EXD1: variants seen among roughly 807,000 people sequenced by gnomAD.
EXD1 encodes the protein exonuclease 3'-5' domain containing 1.
EXD1 carries 63 observed loss-of-function variants against 49.1 expected under a neutral mutation model. The observed-to-expected ratio is 1.28, with a 90% CI of 1.05 to 1.58. EXD1 has a LOEUF of 1.58. Ranked by LOEUF, EXD1 falls within the 40% of genes most tolerant of loss-of-function variation. The pLI, the probability that EXD1 is intolerant of heterozygous loss-of-function variation, is 0.00. For synonymous variants in EXD1, 234 were observed against 239.2 expected, an observed-to-expected ratio of 0.98 and a Z score of 0.20; for missense variants, 748 against 666.0, an observed-to-expected ratio of 1.12 and a Z score of -1.36.
At chr15:41,226,761 A>G in intron 1 of EXD1, 133 bp from the exon 2 acceptor site, 1 of 744,862 alleles carries the variant, frequency 1.3e-6, no homozygotes, top group Non-Finnish European at 2.0e-6. Flanking sequence ...TTTTGGAATG[A>G]TGAGAAAAGG....
intron 7 of EXD1, among the ~76,000 whole-genome samples, chr15:41,203,916 CAAAAAAA>C (rs1187093511): frequency 4.3e-5 from 1 of 23,244 alleles, no homozygotes; most frequent in African/African-American, 2.7e-4. Context: ...GACTTCTCCT[CAAAAAAA>C]AAAAAAAAAA....
intron 2 of EXD1, among the ~76,000 whole-genome samples, chr15:41,223,812 C>G (rs1204333824): frequency 1.3e-5 from 2 of 151,256 alleles, no homozygotes; most frequent in African/African-American, 4.9e-5. Context: ...TTCCAGTGAG[C>G]CAAGATTGCA....
chr15:41,220,010 ACTCC>A, intron 2 of EXD1, 112 bp from the exon 3 acceptor site: 44 of 750,976 alleles, frequency 5.9e-5, no homozygotes, highest in Non-Finnish European at 8.4e-5. Context: ...AAAAAAAAAA[ACTCC>A]AAAAAAATAT....
intron 2 of EXD1, among the ~76,000 whole-genome samples, chr15:41,225,083 A>G (rs1026199356): frequency 1.3e-5 from 2 of 152,228 alleles, no homozygotes; most frequent in East Asian, 3.8e-4. Flanking sequence ...GACCATGAGG[A>G]TAACAGATGA....
chr15:41,203,827 G>C (rs1291479094), intron 7 of EXD1, among the ~76,000 whole-genome samples: 1 of 134,268 alleles, frequency 7.4e-6, no homozygotes, highest in Admixed American at 8.7e-5. Context: ...TGAGACAGGA[G>C]AATCGCTTGA....
Position 41,195,771 on chromosome 15 carries a change from G to A in EXD1, c.720+4C>T. 1 of 1,610,540 alleles carries A rather than the reference G, an allele frequency of 6.2e-7. No individual in the cohort carries two copies. The highest frequency in any genetic ancestry group is 8.5e-7 in the Non-Finnish European group (1 of 1,178,666). On this transcript the variant is annotated splice_donor_region_variant and intron_variant, in intron 9 of 11. Transcript: ENST00000458580. ...GTTTGAATCCAGTGCTTCCCTTCAT[G>A]TACCTGTGTGTCAAAGACATTATTC...
At chr15:41,225,009 G>T (rs888753149) in intron 2 of EXD1, among the ~76,000 whole-genome samples, 2 of 152,020 alleles carry the variant, frequency 1.3e-5, no homozygotes, top group African/African-American at 4.8e-5. Flanking sequence ...GCATTTGCCT[G>T]TTCTTGAGCT....
chr15:41,215,064 T>C (rs2046980052), intron 6 of EXD1, among the ~76,000 whole-genome samples: 1 of 152,146 alleles, frequency 6.6e-6, no homozygotes, highest in African/African-American at 2.4e-5. Context: ...TCCACTTTGA[T>C]ATCTACATGG....
intron 7 of EXD1, among the ~76,000 whole-genome samples, chr15:41,206,474 GAAAAAA>G (rs34195951): frequency 1.1e-5 from 1 of 87,172 alleles, no homozygotes; most frequent in Non-Finnish European, 2.6e-5. Context: ...ACCCTGTCTC[GAAAAAA>G]AAAAAAAAAA....
At position 41,184,691 on chromosome 15, in the gene EXD1, G is replaced by A. The variant is rs183883605; in HGVS notation, c.1057-98C>T. ...TTTTTTTGAGATGGAGTCTCGCTCT[G>A]TCGCCCAGGCTGAAGTGCAGTGGCA... On this transcript the variant is annotated intron_variant, in intron 11 of 11. Coordinates refer to ENST00000458580, the MANE Select transcript of EXD1 (RefSeq NM_001286441.2). 3,528 of 1,254,990 alleles carry A rather than the reference G, an allele frequency of 2.8e-3. 7 individuals are homozygous for A. The highest frequency in any genetic ancestry group is 6.8e-3 in the Middle Eastern group (25 of 3,670). 77.7% of individuals were successfully genotyped at this position (1,254,990 alleles called of 1,614,324 possible).
At chr15:41,186,469 T>TGAAAAAAAAAAA (rs1337231793) in intron 11 of EXD1, among the ~76,000 whole-genome samples, 1 of 21,292 alleles carries the variant, frequency 4.7e-5, no homozygotes, top group Non-Finnish European at 1.2e-4. Flanking sequence ...AGACTCTGTC[T>TGAAAAAAAAAAA]CAAAAAAAAA....
chr15:41,184,177 G>T lies in EXD1; in HGVS notation c.1473C>A (p.Pro491=), dbSNP rs1227644374. The change falls in exon 12 of 12, where the codon CCC becomes CCA. Residue 491 remains proline, a synonymous_variant. Transcript: ENST00000458580. ...ATAAACTTGCCTGAAACTCATGTTT[G>T]GGTGTCATAAAGTGTTCTTTCTGAG... ...RITQKEHFMT[P]KHEFQASLSL... is the part of the protein sequence containing the mutation. 6.2e-6 allele frequency: 10 copies of T among 1,614,156 alleles called. No homozygotes were observed. Among genetic ancestry groups the T allele is most frequent in the African/African-American group, 1.3e-5 (1 of 75,050 alleles).
chr15:41,197,377 G>A (rs1275999683), intron 7 of EXD1, among the ~76,000 whole-genome samples: 1 of 151,632 alleles, frequency 6.6e-6, no homozygotes, highest in Non-Finnish European at 1.5e-5. Context: ...AAAGGCACCT[G>A]CCACCATGCC....
rs778839057 is a variant in EXD1, at chr15:41,216,773, T to C, written c.283A>G (p.Met95Val). 1 of 1,613,788 alleles carries C rather than the reference T, an allele frequency of 6.2e-7. No individual in the cohort carries two copies. The highest frequency in any genetic ancestry group is 8.5e-7 in the Non-Finnish European group (1 of 1,180,024). The change falls in exon 5 of 12, where the codon ATG becomes GTG. Residue 95 changes from methionine (M) to valine (V), a missense_variant. Transcript: ENST00000458580. ...SVSLHAERTW[M>V]EKMKVEDLNV... ...AGGTCTTCAACTTTCATTTTCTCCA[T>C]CCAGGTTCTTTCTGCATGTAGACTA...
At chr15:41,197,228 T>C (rs964590125) in intron 7 of EXD1, among the ~76,000 whole-genome samples, 3 of 150,734 alleles carry the variant, frequency 2.0e-5, no homozygotes, top group African/African-American at 4.9e-5. Flanking sequence ...TTTTCTTTTT[T>C]CTTTTTTTTT....
chr15:41,200,877 C>G (rs1208940597), intron 7 of EXD1, among the ~76,000 whole-genome samples: 1 of 146,166 alleles, frequency 6.8e-6, no homozygotes, highest in Non-Finnish European at 1.5e-5. Context: ...ACAGAATGTT[C>G]TATTTTTTTT....
intron 2 of EXD1, among the ~76,000 whole-genome samples, chr15:41,220,356 C>T (rs1236574175): frequency 6.6e-6 from 1 of 151,932 alleles, no homozygotes; most frequent in Non-Finnish European, 1.5e-5. Context: ...CTGCAACTTC[C>T]GCTTCCCAGG....
At chr15:41,194,204 G>C (rs1046129069) in intron 9 of EXD1, among the ~76,000 whole-genome samples, 5 of 151,880 alleles carry the variant, frequency 3.3e-5, no homozygotes, top group African/African-American at 7.3e-5. Flanking sequence ...GTAGAGACAG[G>C]GTTTCACCAT....
At position 41,230,698 on chromosome 15, in the gene EXD1, G is replaced by T. The variant is rs1403565924; in HGVS notation, c.-273C>A. 2.9e-5 allele frequency: 22 copies of T among 750,362 alleles called. No homozygotes were observed. Among genetic ancestry groups the T allele is most frequent in the Non-Finnish European group, 2.5e-5 (12 of 473,664 alleles). 46.5% of individuals were successfully genotyped at this position (750,362 alleles called of 1,614,324 possible). A position where few individuals can be genotyped will look rare whatever the true frequency, so the allele number is the denominator to read the frequency against. Reference sequence around the variant, plus strand: ...GCTGAAAACCTGGAGAAAGGTCCGCGACGCCGGGGACACACGCCGCAGAGG... The same window carrying T: ...GCTGAAAACCTGGAGAAAGGTCCGCTACGCCGGGGACACACGCCGCAGAGG... On this transcript the variant is annotated 5_prime_UTR_variant, in exon 1 of 12. Coordinates refer to ENST00000458580, the MANE Select transcript of EXD1 (RefSeq NM_001286441.2).
Sources: gnomAD v4.1 joint callset for allele counts (sites outside exome capture counted in the v4.1 genomes callset) on GRCh38, gnomAD v4.1.1 for gene constraint, MANE v1.5 for transcripts, NCBI Gene and HGNC (gene_info 2026-07-23, HGNC 2026-07-21) for gene names.